EFNA5: variants seen among roughly 807,000 people sequenced by gnomAD.
EFNA5 encodes the protein ephrin-A5.
EFNA5 carries 5 observed loss-of-function variants against 22.9 expected under a neutral mutation model. The ratio of observed to expected loss-of-function variants is 0.22; its 90% CI spans 0.11 to 0.46. EFNA5 has a LOEUF of 0.46. EFNA5 is among the 20% of genes least tolerant of loss of function. The pLI, the probability that EFNA5 is intolerant of heterozygous loss-of-function variation, is 0.99. For missense variants in EFNA5, 237 were observed against 293.3 expected (o/e 0.81, Z 1.40); for synonymous variants, 113 against 112.2 (o/e 1.01, Z -0.04).
intron 1 of EFNA5, among the ~76,000 whole-genome samples, chr5:107,596,645 T>A (rs559108224): frequency 1.3e-5 from 2 of 152,250 alleles, no homozygotes; most frequent in African/African-American, 4.8e-5. Context: ...TTTTGATAAT[T>A]CAATCTTTGG....
intron 1 of EFNA5, among the ~76,000 whole-genome samples, chr5:107,545,720 T>C (rs1235088844): frequency 6.6e-6 from 1 of 152,106 alleles, no homozygotes. Context: ...AGCACACAAA[T>C]GCAAGGGAGT....
chr5:107,463,898 C>T (rs1475236442), intron 1 of EFNA5, among the ~76,000 whole-genome samples: 1 of 152,132 alleles, frequency 6.6e-6, no homozygotes, highest in Non-Finnish European at 1.5e-5. Context: ...CACCGAGCTG[C>T]ATCTAAGTAC....
At chr5:107,668,930 C>G (rs1751125376) in intron 1 of EFNA5, among the ~76,000 whole-genome samples, 1 of 152,164 alleles carries the variant, frequency 6.6e-6, no homozygotes. Context: ...CCACCACCCA[C>G]CTCCAGGAGA....
chr5:107,481,949 A>T (rs879264198), intron 1 of EFNA5, among the ~76,000 whole-genome samples: 3 of 152,058 alleles, frequency 2.0e-5, no homozygotes, highest in Non-Finnish European at 2.9e-5. Context: ...GAAAACAAAC[A>T]CTGTCTTGTG....
At chr5:107,599,621 G>A (rs140979974) in intron 1 of EFNA5, among the ~76,000 whole-genome samples, 1 of 152,116 alleles carries the variant, frequency 6.6e-6, no homozygotes, top group African/African-American at 2.4e-5. Flanking sequence ...ATTAGAAATC[G>A]ATAGAAAACT....
intron 1 of EFNA5, among the ~76,000 whole-genome samples, chr5:107,458,139 G>A (rs543892609): frequency 6.6e-6 from 1 of 152,264 alleles, no homozygotes; most frequent in East Asian, 1.9e-4. Flanking sequence ...AATGCTCAAT[G>A]AGAGTAAGAT....
At chr5:107,429,269 C>A (rs1426831988) in intron 1 of EFNA5, among the ~76,000 whole-genome samples, 1 of 152,180 alleles carries the variant, frequency 6.6e-6, no homozygotes, top group Non-Finnish European at 1.5e-5. Context: ...ATGGCGAAAC[C>A]TTGTCTCTAC....
intron 1 of EFNA5, among the ~76,000 whole-genome samples, chr5:107,517,417 G>A (rs1747504450): frequency 6.6e-6 from 1 of 152,190 alleles, no homozygotes; most frequent in Non-Finnish European, 1.5e-5. Context: ...GTGACTTCAG[G>A]ACAAATCACT....
intron 1 of EFNA5, among the ~76,000 whole-genome samples, chr5:107,496,403 G>A (rs1004152272): frequency 1.8e-4 from 26 of 146,528 alleles, no homozygotes; most frequent in Non-Finnish European, 3.6e-4. Flanking sequence ...CTACAGACAA[G>A]ATCAGAGAGT....
At chr5:107,577,027 G>A (rs1389149772) in intron 1 of EFNA5, among the ~76,000 whole-genome samples, 5 of 152,112 alleles carry the variant, frequency 3.3e-5, no homozygotes, top group African/African-American at 1.2e-4. Flanking sequence ...TAAATCTTAA[G>A]TATCTATATT....
chr5:107,656,097 C>T (rs544628029), intron 1 of EFNA5, among the ~76,000 whole-genome samples: 11 of 152,236 alleles, frequency 7.2e-5, no homozygotes, highest in Non-Finnish European at 1.0e-4. Context: ...CAAGCATTCT[C>T]CAAGAGGATG....
chr5:107,407,425 T>C (rs990358305), intron 2 of EFNA5, among the ~76,000 whole-genome samples: 1 of 152,170 alleles, frequency 6.6e-6, no homozygotes, highest in Non-Finnish European at 1.5e-5. Flanking sequence ...ATTCTCTTCG[T>C]TTTACAAATT....
intron 1 of EFNA5, among the ~76,000 whole-genome samples, chr5:107,589,845 T>A (rs893250723): frequency 6.6e-6 from 1 of 152,230 alleles, no homozygotes; most frequent in Non-Finnish European, 1.5e-5. Context: ...TTTACCCGTG[T>A]GCTAAGAAAA....
At chr5:107,503,513 T>A (rs1747183004) in intron 1 of EFNA5, among the ~76,000 whole-genome samples, 1 of 152,198 alleles carries the variant, frequency 6.6e-6, no homozygotes, top group Admixed American at 6.5e-5. Flanking sequence ...ACAGGCAACA[T>A]AAAGCCTCAG....
chr5:107,385,654 C>A (rs1747594520), intron 4 of EFNA5, among the ~76,000 whole-genome samples: 1 of 152,142 alleles, frequency 6.6e-6, no homozygotes, highest in African/African-American at 2.4e-5. Flanking sequence ...ATGGGTGAGT[C>A]TCCTCAGCCA....
intron 1 of EFNA5, among the ~76,000 whole-genome samples, chr5:107,453,946 A>AGTGT (rs5870261): frequency 2.0e-5 from 3 of 149,402 alleles, no homozygotes; most frequent in Admixed American, 6.7e-5. Flanking sequence ...AAGGAGTGTG[A>AGTGT]GTGTGTGTGT....
intron 1 of EFNA5, among the ~76,000 whole-genome samples, chr5:107,623,704 A>G (rs1750087109): frequency 6.8e-6 from 1 of 147,164 alleles, no homozygotes; most frequent in Non-Finnish European, 1.5e-5. Flanking sequence ...GGAGGGGGAG[A>G]TTCAAAAAAA....
chr5:107,517,090 TCA>T (rs913087604), intron 1 of EFNA5, among the ~76,000 whole-genome samples: 1 of 151,972 alleles, frequency 6.6e-6, no homozygotes, highest in African/African-American at 2.4e-5. Context: ...ACACTAAAAT[TCA>T]TTGATTGTAC....
chr5:107,459,031 T>C (rs889806860), intron 1 of EFNA5, among the ~76,000 whole-genome samples: 2 of 152,188 alleles, frequency 1.3e-5, no homozygotes, highest in African/African-American at 4.8e-5. Flanking sequence ...TGACAATTCT[T>C]TGTTCTTTAA....
Sources: gnomAD v4.1 joint callset for allele counts (sites outside exome capture counted in the v4.1 genomes callset) on GRCh38, gnomAD v4.1.1 for gene constraint, MANE v1.5 for transcripts, NCBI Gene and HGNC (gene_info 2026-07-23, HGNC 2026-07-21) for gene names.